NISCH: variants seen among roughly 807,000 people sequenced by gnomAD.
NISCH encodes the protein I-1 receptor candidate protein.
NISCH carries 55 observed loss-of-function variants against 138.4 expected under a neutral mutation model. The ratio of observed to expected loss-of-function variants is 0.40; its 90% CI spans 0.32 to 0.50. The LOEUF is 0.50. Ranked by LOEUF, NISCH falls within the 20% of genes least tolerant of loss-of-function variation. The pLI is 0.71. For missense variants in NISCH, 1,643 were observed against 2,005.5 expected (o/e 0.82, Z 3.45); for synonymous variants, 860 against 861.5 (o/e 1.00, Z 0.03).
chr3:52,472,021 G>C lies in NISCH; in HGVS notation c.573+44G>C, dbSNP rs753245263. The C allele has an allele frequency of 1.6e-5, 25 of 1,535,128 alleles. No individual in the cohort carries two copies. The African/African-American group carries it at 3.0e-4, about 19-fold the overall frequency. ...AGTCATGGAGAGCCCCGCAGTCGGT[G>C]GGGGTGCAACCTGCGGGGGACTGGC... is the stretch of plus-strand genomic sequence containing the variant. On this transcript the variant is annotated intron_variant, in intron 5 of 20. Transcript: ENST00000345716.
At chr3:52,471,713 G>A in intron 4 of NISCH, 101 bp from the exon 5 acceptor site, 1 of 1,413,370 alleles carries the variant, frequency 7.1e-7, no homozygotes, top group Non-Finnish European at 9.8e-7. Flanking sequence ...GACACAGTGG[G>A]TGCTTGCCAA....
chr3:52,469,725 G>A (rs927137351), intron 3 of NISCH, among the ~76,000 whole-genome samples: 33 of 152,106 alleles, frequency 2.2e-4, no homozygotes, highest in African/African-American at 7.2e-4. Context: ...GATCAGCCTG[G>A]CCAACATGGT....
At position 52,484,589 on chromosome 3, in the gene NISCH, C is replaced by T. The variant is rs766971781; in HGVS notation, c.1605C>T (p.Pro535=). ...ACAGTCTGACTCCCGAGCACCAGCCCATTGCCCAGGGATGTTCTGATTCCT... is the reference window on the plus strand; with the variant it reads ...ACAGTCTGACTCCCGAGCACCAGCCTATTGCCCAGGGATGTTCTGATTCCT... ...STDSLTPEHQ[P]IAQGCSDSLE... The change falls in exon 14 of 21, where the codon CCC becomes CCT. Residue 535 remains proline, a synonymous_variant. Transcript: ENST00000345716. 1 of 1,613,970 alleles carries T rather than the reference C, an allele frequency of 6.2e-7. No individual in the cohort carries two copies. Among genetic ancestry groups the T allele is most frequent in the Non-Finnish European group, 8.5e-7 (1 of 1,180,014 alleles).
rs1322173709 is a variant in NISCH at position 52,489,708 on chromosome 3, G to C, written c.3456+30G>C. 18 of 1,597,394 alleles carry C rather than the reference G, an allele frequency of 1.1e-5. No individual in the cohort carries two copies. The Admixed American group carries it at 3.0e-4, about 27-fold the overall frequency. On this transcript the variant is annotated intron_variant, in intron 17 of 20. Transcript: ENST00000345716. ...CGGCCCGGGTGTGGGTGCCAGCTATGGCACGGCCAGTCCTGAGGGCGAGGC... is the reference window on the plus strand; with the variant it reads ...CGGCCCGGGTGTGGGTGCCAGCTATCGCACGGCCAGTCCTGAGGGCGAGGC...
intron 11 of NISCH, 114 bp from the exon 12 acceptor site, chr3:52,479,635 C>T (rs1483365196): frequency 3.8e-6 from 3 of 781,408 alleles, no homozygotes; most frequent in East Asian, 2.7e-5. Flanking sequence ...CTCAGCAGAG[C>T]CCTACCATCC....
chr3:52,491,088 C>T (rs1302119994), intron 19 of NISCH, among the ~76,000 whole-genome samples: 2 of 152,250 alleles, frequency 1.3e-5, no homozygotes, highest in African/African-American at 4.8e-5. Flanking sequence ...TGGTCTCGGG[C>T]AGGATGTTTC....
chr3:52,457,317 T>G (rs1043921259), intron 1 of NISCH, among the ~76,000 whole-genome samples: 3 of 152,332 alleles, frequency 2.0e-5, no homozygotes, highest in African/African-American at 7.2e-5. Context: ...CCTTGATTCC[T>G]GGCTCAGCAG....
At chr3:52,472,085 TG>T in intron 5 of NISCH, 108 bp downstream of exon 5, 7 of 1,287,000 alleles carry the variant, frequency 5.4e-6, no homozygotes, top group Non-Finnish European at 7.5e-6. Flanking sequence ...GGACTGTTGG[TG>T]GAAGGAAGGC....
At chr3:52,479,081 A>G (rs1004319765) in intron 11 of NISCH, among the ~76,000 whole-genome samples, 3 of 152,034 alleles carry the variant, frequency 2.0e-5, no homozygotes, top group African/African-American at 7.2e-5. Flanking sequence ...CTGGAAGTCT[A>G]TTTGTGTCCC....
chr3:52,476,293 A>T, intron 7 of NISCH, 154 bp from the exon 8 acceptor site: 1 of 763,340 alleles, frequency 1.3e-6, no homozygotes, highest in Non-Finnish European at 2.2e-6. Context: ...ACAATCGTTT[A>T]AAGACATAGG....
intron 13 of NISCH, chr3:52,480,500 AG>A: frequency 6.6e-7 from 1 of 1,524,672 alleles, no homozygotes; most frequent in Non-Finnish European, 8.8e-7. Flanking sequence ...TTGCTTGGTG[AG>A]GACTCCCAAT....
At chr3:52,484,462 T>TAGGGCC in intron 13 of NISCH, 51 bp from the exon 14 acceptor site, 1 of 788,670 alleles carries the variant, frequency 1.3e-6, no homozygotes, top group Non-Finnish European at 1.8e-6. Context: ...ACAGCCGCTC[T>TAGGGCC]CCCCGCCCCA....
chr3:52,476,357 G>C, intron 7 of NISCH, 90 bp from the exon 8 acceptor site: 1 of 1,421,860 alleles, frequency 7.0e-7, no homozygotes, highest in Non-Finnish European at 9.9e-7. Flanking sequence ...ATATGCTCCA[G>C]CCCTTCCTTA....
rs781550579 is a variant in NISCH at position 52,487,324 on chromosome 3, G to A, written c.1832G>A (p.Arg611Gln). 20 of 1,614,106 alleles carry A rather than the reference G, an allele frequency of 1.2e-5. No individual in the cohort carries two copies. Among genetic ancestry groups the A allele is most frequent in the East Asian group, 8.9e-5 (4 of 44,880 alleles). Residue 611 changes from arginine (R) to glutamine (Q), a missense_variant, in exon 16 of 21, where the codon CGG becomes CAG. Physicochemically the swap from Arg to Gln is conservative, Grantham distance 43. Coordinates refer to ENST00000345716, the MANE Select transcript of NISCH (RefSeq NM_007184.4). The surrounding 1 kb of genome is among the most constrained non-coding windows in gnomAD (Gnocchi z 9.1). The part of the protein sequence containing the change: ...DFIQRLSTLI[R>Q]QAIERQLPAW... The stretch of plus-strand genomic sequence containing the variant: ...ATCCAGCGCCTGAGCACACTGATCC[G>A]GCAGGCCATCGAGCGGCAGCTGCCT...
At position 52,489,689 on chromosome 3, in the gene NISCH, G is replaced by A. The variant is rs764238869; in HGVS notation, c.3456+11G>A. The A allele has an allele frequency of 2.9e-5, 47 of 1,606,428 alleles. No homozygotes were observed. The highest frequency in any genetic ancestry group is 2.4e-4 in the South Asian group (22 of 90,468). On this transcript the variant is annotated intron_variant, in intron 17 of 20. Coordinates refer to ENST00000345716, the MANE Select transcript of NISCH (RefSeq NM_007184.4). The stretch of plus-strand genomic sequence containing the variant: ...AGCAGCATTGCTGAGGTAGCGGCCC[G>A]GGTGTGGGTGCCAGCTATGGCACGG...
At chr3:52,480,841 T>C in intron 13 of NISCH, 1 of 1,533,244 alleles carries the variant, frequency 6.5e-7, no homozygotes. Flanking sequence ...CTGCCCACTA[T>C]CTTAGCGTTT....
At chr3:52,464,089 T>G (rs1319032516) in intron 3 of NISCH, among the ~76,000 whole-genome samples, 2 of 151,960 alleles carry the variant, frequency 1.3e-5, no homozygotes, top group African/African-American at 4.8e-5. Context: ...AGTATCCAAT[T>G]CTTTGTCTTT....
At chr3:52,461,664 C>A (rs1706635409) in intron 3 of NISCH, among the ~76,000 whole-genome samples, 1 of 152,012 alleles carries the variant, frequency 6.6e-6, no homozygotes, top group Non-Finnish European at 1.5e-5. Context: ...GAGATCGAGA[C>A]CATCCTGGCT....
In NISCH at chr3:52,484,571, G is replaced by C. The variant is rs376637823; in HGVS notation, c.1587G>C (p.Leu529=). Residue 529 remains leucine, a synonymous_variant, in exon 14 of 21, where the codon CTG becomes CTC. Transcript: ENST00000345716. ...LASSLSSTDS[L]TPEHQPIAQG... is the part of the protein sequence containing the mutation. Reference sequence around the variant, plus strand: ...GCAGCCTCTCGTCCACTGACAGTCTGACTCCCGAGCACCAGCCCATTGCCC... The same window carrying C: ...GCAGCCTCTCGTCCACTGACAGTCTCACTCCCGAGCACCAGCCCATTGCCC... 61 of 1,612,596 alleles carry C rather than the reference G, an allele frequency of 3.8e-5. No individual in the cohort carries two copies. The African/African-American group carries it at 7.1e-4, about 19-fold the overall frequency.
Sources: gnomAD v4.1 joint callset for allele counts (sites outside exome capture counted in the v4.1 genomes callset) on GRCh38, gnomAD v4.1.1 for gene constraint, Gnocchi (gnomAD v3.1) non-coding constraint, MANE v1.5 for transcripts, NCBI Gene and HGNC (gene_info 2026-07-23, HGNC 2026-07-21) for gene names.